CACNG5: variants seen among roughly 807,000 people sequenced by gnomAD.
The protein encoded by CACNG5 is voltage-dependent calcium channel gamma-5 subunit.
CACNG5 carries 18 observed loss-of-function variants against 24.8 expected under a neutral mutation model. The ratio of observed to expected loss-of-function variants is 0.73; its 90% CI spans 0.50 to 1.08. The LOEUF is 1.08. Among genes scored for constraint, CACNG5 ranks in the 50% least tolerant of loss-of-function variants. CACNG5 has a pLI of 0.00. For synonymous variants in CACNG5, 157 were observed against 149.1 expected (o/e 1.05, Z -0.39); for missense variants, 349 against 367.9 (o/e 0.95, Z 0.42).
intron 1 of CACNG5, among the ~76,000 whole-genome samples, chr17:66,876,853 C>T (rs1977082999): frequency 1.3e-5 from 2 of 152,226 alleles, no homozygotes; most frequent in South Asian, 4.1e-4. Context: ...GTCTCTACCA[C>T]AGCCCTCAAT....
rs573624705 is a variant in CACNG5, at chr17:66,886,626, C to T, written c.*1386C>T. Among the ~76,000 whole-genome samples the T allele has an allele frequency of 6.6e-6, 1 of 152,292 alleles. No homozygotes were observed. The highest frequency in any genetic ancestry group is 2.4e-5 in the African/African-American group (1 of 41,548). On this transcript the variant is annotated 3_prime_UTR_variant, in exon 6 of 6. Transcript: ENST00000533854. ...CGCTCTCTCCTTGCCCTCTTTAAGA[C>T]GCCGCTAGGTTCTGAGAACAGAAAG...
chr17:66,880,678 C>T lies in CACNG5; in HGVS notation c.405C>T (p.Gly135=), dbSNP rs1977146902. 3 of 1,614,082 alleles carry T rather than the reference C, an allele frequency of 1.9e-6. No homozygotes were observed. The highest frequency in any genetic ancestry group is 1.1e-5 in the South Asian group (1 of 91,082). Residue 135 remains glycine, a synonymous_variant, in exon 4 of 6, where the codon GGC becomes GGT. Transcript: ENST00000533854. ...PHRTILAFVS[G]IFFILSGLSL... Reference sequence around the variant, plus strand: ...GGACGATACTGGCCTTTGTCTCTGGCATCTTCTTTATCCTCTCAGGTAAGT... The same window carrying T: ...GGACGATACTGGCCTTTGTCTCTGGTATCTTCTTTATCCTCTCAGGTAAGT...
At chr17:66,865,633 CTTTT>C (rs10707080) in intron 1 of CACNG5, among the ~76,000 whole-genome samples, 4 of 137,520 alleles carry the variant, frequency 2.9e-5, no homozygotes, top group Admixed American at 7.3e-5. Flanking sequence ...GACAAAATTT[CTTTT>C]TTTTTTTTTT....
intron 1 of CACNG5, among the ~76,000 whole-genome samples, chr17:66,845,944 C>T (rs1976634115): frequency 6.6e-6 from 1 of 152,164 alleles, no homozygotes; most frequent in African/African-American, 2.4e-5. Context: ...AAGGACCTGA[C>T]CTCCTGCCTC....
At chr17:66,868,163 A>G (rs1482054699) in intron 1 of CACNG5, among the ~76,000 whole-genome samples, 3 of 152,204 alleles carry the variant, frequency 2.0e-5, no homozygotes, top group African/African-American at 7.2e-5. Context: ...TGTTAAGAGC[A>G]GTGACCCTTG....
At position 66,887,277 on chromosome 17, in the gene CACNG5, C is replaced by G. The variant is rs58257534; in HGVS notation, c.*2037C>G. Among the ~76,000 whole-genome samples the G allele has an allele frequency of 0.082, 12,513 of 151,894 alleles. 646 individuals are homozygous for G. The highest frequency in any genetic ancestry group is 0.14 in the African/African-American group (5,852 of 41,342). ...ACCCTTCCACTCTGAGGGGCTTGGCCTAAATGGTTTCCAAGCCCACTCCCC... is the reference window on the plus strand; with the variant it reads ...ACCCTTCCACTCTGAGGGGCTTGGCGTAAATGGTTTCCAAGCCCACTCCCC... On this transcript the variant is annotated 3_prime_UTR_variant, in exon 6 of 6. Transcript: ENST00000533854.
intron 1 of CACNG5, among the ~76,000 whole-genome samples, chr17:66,845,508 G>A (rs971160048): frequency 4.6e-5 from 7 of 151,456 alleles, no homozygotes; most frequent in South Asian, 2.1e-4. Flanking sequence ...ACCAGGTGAC[G>A]GAATGGACTA....
intron 1 of CACNG5, among the ~76,000 whole-genome samples, chr17:66,841,751 A>C (rs1310687053): frequency 6.6e-6 from 1 of 152,168 alleles, no homozygotes; most frequent in Non-Finnish European, 1.5e-5. Flanking sequence ...TCTGCTTTCC[A>C]TCTGTAAAAG....
Position 66,894,626 on chromosome 17 carries a change from CCCTCCA to C in CACNG5, c.*9389_*9394del, listed in dbSNP as rs1977387934. On this transcript the variant is annotated 3_prime_UTR_variant, in exon 6 of 6. Coordinates refer to ENST00000533854, the MANE Select transcript of CACNG5 (RefSeq NM_145811.3). The stretch of plus-strand genomic sequence containing the variant: ...TCATTCATTCATTTTTTTTCCTTCC[CCCTCCA>C]CCCCATGAGCAACCATTCAGATGTG... Among the ~76,000 whole-genome samples the C allele has an allele frequency of 6.6e-6, 1 of 151,862 alleles. No individual in the cohort carries two copies. Among genetic ancestry groups the C allele is most frequent in the South Asian group, 2.1e-4 (1 of 4,802 alleles).
At chr17:66,855,337 C>G (rs7208882) in intron 1 of CACNG5, among the ~76,000 whole-genome samples, 129,360 of 152,220 alleles carry the variant, frequency 0.85, 55,149 homozygotes, top group East Asian at 0.97. Context: ...GCCCCAGGCC[C>G]GGGGCCTCTG....
At position 66,889,258 on chromosome 17, in the gene CACNG5, T is replaced by A. The variant is rs1977307509; in HGVS notation, c.*4018T>A. ...TTACAGGCATGAGCCACTGTGCCCA[T>A]CCTCTACCCTCTTTCTTGTCCCATG... is the stretch of plus-strand genomic sequence containing the variant. On this transcript the variant is annotated 3_prime_UTR_variant, in exon 6 of 6. Coordinates refer to ENST00000533854, the MANE Select transcript of CACNG5 (RefSeq NM_145811.3). 6.6e-6 allele frequency among the ~76,000 whole-genome samples: 1 copy of A among 152,128 alleles called. No individual in the cohort carries two copies. Among genetic ancestry groups the A allele is most frequent in the African/African-American group, 2.4e-5 (1 of 41,442 alleles).
At position 66,835,265 on chromosome 17, in the gene CACNG5, G is replaced by A. The variant is rs1489984024; in HGVS notation, c.-104+15G>A. The A allele has an allele frequency of 1.3e-5, 2 of 152,294 alleles. No individual in the cohort carries two copies. Among genetic ancestry groups the A allele is most frequent in the Admixed American group, 6.5e-5 (1 of 15,292 alleles). The allele number at this position is 152,294 out of a possible 1,614,324, so 9.4% of individuals were successfully genotyped here. On this transcript the variant is annotated intron_variant, in intron 1 of 5. Coordinates refer to ENST00000533854, the MANE Select transcript of CACNG5 (RefSeq NM_145811.3). ...GCTCCAGCGAGGTAAGAGCCGGGAAGACCGGGAGAGACCACCTCTTCCATC... is the reference window on the plus strand; with the variant it reads ...GCTCCAGCGAGGTAAGAGCCGGGAAAACCGGGAGAGACCACCTCTTCCATC...
Position 66,889,756 on chromosome 17 carries a change from C to T in CACNG5, c.*4516C>T, listed in dbSNP as rs188256709. ...CAGTGCAGTGGTTGAGGCCCACCGA[C>T]GTTAGAAAAGGTAATTGCTTTACTC... On this transcript the variant is annotated 3_prime_UTR_variant, in exon 6 of 6. Transcript: ENST00000533854. Among the ~76,000 whole-genome samples, 18 of 152,238 alleles carry T rather than the reference C, an allele frequency of 1.2e-4. No individual in the cohort carries two copies. The East Asian group carries it at 2.1e-3, about 18-fold the overall frequency.
At chr17:66,874,676 A>G (rs760491869) in intron 1 of CACNG5, among the ~76,000 whole-genome samples, 5 of 152,158 alleles carry the variant, frequency 3.3e-5, no homozygotes, top group African/African-American at 4.8e-5. Context: ...ACACTACCAC[A>G]TTGAGGATCA....
chr17:66,870,678 A>C (rs1408533852), intron 1 of CACNG5, among the ~76,000 whole-genome samples: 1 of 152,182 alleles, frequency 6.6e-6, no homozygotes, highest in Non-Finnish European at 1.5e-5. Flanking sequence ...CTTGTGACCC[A>C]GCCTCAGAAG....
intron 1 of CACNG5, among the ~76,000 whole-genome samples, chr17:66,867,255 A>G (rs963029502): frequency 6.6e-6 from 1 of 152,070 alleles, no homozygotes; most frequent in Non-Finnish European, 1.5e-5. Flanking sequence ...TTTGTTGGCC[A>G]CATAAATGTC....
rs62070972 is a variant in CACNG5 at position 66,839,461 on chromosome 17, C to T, written c.-104+4211C>T. ...TAGGAGTAGAAAATGGAGGAGGCTG[C>T]GTGGTGAAGATGCTAGAAAGGTCAA... On this transcript the variant is annotated intron_variant, in intron 1 of 5. Coordinates refer to ENST00000533854, the MANE Select transcript of CACNG5 (RefSeq NM_145811.3). Among the ~76,000 whole-genome samples the T allele has an allele frequency of 9.4e-3, 1,431 of 151,982 alleles. 8 individuals carry two copies. The highest frequency in any genetic ancestry group is 0.015 in the Non-Finnish European group (1,003 of 67,972).
At chr17:66,836,808 G>A (rs909566026) in intron 1 of CACNG5, among the ~76,000 whole-genome samples, 3 of 152,240 alleles carry the variant, frequency 2.0e-5, no homozygotes, top group Admixed American at 6.5e-5. Context: ...GGGGCTGTTG[G>A]TGATGTGAGA....
intron 1 of CACNG5, among the ~76,000 whole-genome samples, chr17:66,849,194 A>T (rs1976677809): frequency 6.6e-6 from 1 of 152,178 alleles, no homozygotes; most frequent in Admixed American, 6.5e-5. Flanking sequence ...CCCGGTGATC[A>T]ATTTCCTCCA....
Sources: allele counts gnomAD v4.1 joint callset (sites outside exome capture counted in the v4.1 genomes callset), GRCh38; gene constraint gnomAD v4.1.1; transcripts MANE v1.5; gene names NCBI Gene and HGNC (gene_info 2026-07-23, HGNC 2026-07-21).